The following LTN1 variants were observed in gnomAD, a reference collection of about 807,000 sequenced individuals.
The protein encoded by LTN1 is E3 ubiquitin-protein ligase listerin.
In LTN1, 88 loss-of-function variants were observed where a neutral mutation model predicts 201.2. The ratio of observed to expected loss-of-function variants is 0.44; its 90% CI spans 0.37 to 0.52. The LOEUF is 0.52. Ranked by LOEUF, LTN1 falls within the 20% of genes least tolerant of loss-of-function variation. LTN1 has a pLI of 0.00. For synonymous variants in LTN1, 645 were observed against 713.5 expected, an observed-to-expected ratio of 0.90 and a Z score of 1.53; for missense variants, 1,752 against 2,038.7, an observed-to-expected ratio of 0.86 and a Z score of 2.71.
intron 24 of LTN1, among the ~76,000 whole-genome samples, chr21:28,941,686 A>G (rs145961740): frequency 6.6e-6 from 1 of 152,354 alleles, no homozygotes; most frequent in Non-Finnish European, 1.5e-5. Flanking sequence ...CCAAATGATG[A>G]GTCCAACGTC....
Position 28,985,288 on chromosome 21 carries a change from C to T in LTN1, c.346-366G>A, listed in dbSNP as rs559019122. Among the ~76,000 whole-genome samples, 5 of 151,760 alleles carry T rather than the reference C, an allele frequency of 3.3e-5. No individual in the cohort carries two copies. The East Asian group carries it at 7.8e-4, about 24-fold the overall frequency. ...CAGCCTGGCCAACATGGTGAAACCC[C>T]GTCTCTACTAAAAATACAAAAAATT... is the stretch of plus-strand genomic sequence containing the variant. On this transcript the variant is annotated intron_variant, in intron 3 of 29. Transcript: ENST00000361371.
chr21:28,963,234 ACT>A (rs1394273048), intron 11 of LTN1, among the ~76,000 whole-genome samples: 6 of 152,166 alleles, frequency 3.9e-5, no homozygotes, highest in African/African-American at 1.2e-4. Flanking sequence ...GTCATCTAAG[ACT>A]CTCATAGCTA....
At chr21:28,983,087 A>T (rs543055188) in intron 4 of LTN1, among the ~76,000 whole-genome samples, 1 of 152,194 alleles carries the variant, frequency 6.6e-6, no homozygotes, top group South Asian at 2.1e-4. Flanking sequence ...AGACAGTATG[A>T]TATACTATCT....
In LTN1 at chr21:28,944,514, A is replaced by T. The variant is rs1171994411; in HGVS notation, c.3851T>A (p.Leu1284His). ...AGTTGTGGAATCAAAGAAAGCACTG[A>T]GGTCACAGGCCAAATCACAGCTGAC... ...ACVSCDLACD[L>H]SAFFDSTTLD... The change falls in exon 22 of 30, where the codon CTC becomes CAC. Residue 1284 changes from leucine (L) to histidine (H), a missense_variant. By Grantham distance (99) the Leu-to-His change is moderately conservative. Transcript: ENST00000361371. 2 of 1,613,948 alleles carry T rather than the reference A, an allele frequency of 1.2e-6. No individual in the cohort carries two copies. Among genetic ancestry groups the T allele is most frequent in the Admixed American group, 1.7e-5 (1 of 59,968 alleles).
At chr21:28,954,156 T>G (rs1601182324) in intron 16 of LTN1, among the ~76,000 whole-genome samples, 1 of 152,116 alleles carries the variant, frequency 6.6e-6, no homozygotes, top group African/African-American at 2.4e-5. Flanking sequence ...ACACAAAAAA[T>G]TATTACTCTA....
Position 28,932,628 on chromosome 21 carries a change from T to C in LTN1, c.4912A>G (p.Thr1638Ala), listed in dbSNP as rs1425306814. The C allele has an allele frequency of 6.2e-7, 1 of 1,613,336 alleles. No homozygotes were observed. The highest frequency in any genetic ancestry group is 1.1e-5 in the South Asian group (1 of 90,886). The change falls in exon 28 of 30, where the codon ACT becomes GCT. Residue 1638 changes from threonine (T) to alanine (A), a missense_variant. By Grantham distance (58) the Thr-to-Ala change is moderately conservative. Transcript: ENST00000361371. Reference protein sequence around the residue: ...ARATTREVMATYTIEDIVIEL... With the variant: ...ARATTREVMAAYTIEDIVIEL... ...ATAACTATGTCCTCAATAGTATAAG[T>C]AGCCATTACCTCTCGAGTAGTAGCT...
intron 10 of LTN1, 135 bp downstream of exon 10, chr21:28,966,235 C>T (rs2084521201): frequency 1.3e-6 from 1 of 758,258 alleles, no homozygotes; most frequent in Non-Finnish European, 2.1e-6. Context: ...TAGATACTTC[C>T]CAAATCATGA....
At position 28,944,554 on chromosome 21, in the gene LTN1, G is replaced by C. The variant is rs1440911145; in HGVS notation, c.3811C>G (p.Gln1271Glu). Residue 1271 changes from glutamine to glutamate, a missense_variant, in exon 22 of 30, where the codon CAA becomes GAA. Physicochemically the swap from Gln to Glu is conservative, Grantham distance 29. Transcript: ENST00000361371. ...TCACAGCTGACACAGGCAAACAGTT[G>C]CACAAGTGGAATAGAATACAATGCC... Reference protein sequence around the residue: ...NQALYSIPLVQLFACVSCDLA... With the variant: ...NQALYSIPLVELFACVSCDLA... The C allele has an allele frequency of 6.2e-7, 1 of 1,613,790 alleles. No homozygotes were observed. Among genetic ancestry groups the C allele is most frequent in the African/African-American group, 1.3e-5 (1 of 74,912 alleles).
At chr21:28,985,306 A>T (rs2084689611) in intron 3 of LTN1, among the ~76,000 whole-genome samples, 2 of 151,938 alleles carry the variant, frequency 1.3e-5, no homozygotes, top group African/African-American at 4.8e-5. Context: ...CTAAAAATAC[A>T]AAAAATTAGC....
chr21:28,935,341 A>G lies in LTN1; in HGVS notation c.4655-12T>C. The G allele has an allele frequency of 1.3e-6, 2 of 1,521,824 alleles. No individual in the cohort carries two copies. The highest frequency in any genetic ancestry group is 1.8e-6 in the Non-Finnish European group (2 of 1,100,914). The allele number at this position is 1,521,824 out of a possible 1,614,324, so 94.3% of individuals were successfully genotyped here. A position where few individuals can be genotyped will look rare whatever the true frequency, so the allele number is the denominator to read the frequency against. On this transcript the variant is annotated splice_polypyrimidine_tract_variant and intron_variant, in intron 26 of 29. Coordinates refer to ENST00000361371, the MANE Select transcript of LTN1 (RefSeq NM_015565.3). ...AAGCATTGTTGTTTCTGAGGAAAAA[A>G]CAAATTATTGATTAGTAACATATAT...
chr21:28,975,802 G>A (rs1601206269), intron 6 of LTN1, among the ~76,000 whole-genome samples: 1 of 152,174 alleles, frequency 6.6e-6, no homozygotes, highest in South Asian at 2.1e-4. Flanking sequence ...AAACATCTTG[G>A]TAGCTTCCTA....
chr21:28,949,465 T>G (rs2084366253), intron 18 of LTN1, among the ~76,000 whole-genome samples: 1 of 152,236 alleles, frequency 6.6e-6, no homozygotes, highest in Admixed American at 6.5e-5. Context: ...CTCTTCATTC[T>G]GCAAAACTGA....
At chr21:28,945,774 C>A in intron 21 of LTN1, 33 bp downstream of exon 21, 1 of 1,586,630 alleles carries the variant, frequency 6.3e-7, no homozygotes, top group Non-Finnish European at 8.6e-7. Flanking sequence ...TACAAAAACC[C>A]ACAAGAGGTG....
intron 11 of LTN1, among the ~76,000 whole-genome samples, chr21:28,964,189 T>C (rs867440412): frequency 7.2e-5 from 11 of 152,202 alleles, no homozygotes; most frequent in Non-Finnish European, 7.3e-5. Context: ...TTGGGTAAAA[T>C]GCTATCAAAC....
At chr21:28,977,037 G>A (rs1218718398) in intron 6 of LTN1, among the ~76,000 whole-genome samples, 2 of 152,136 alleles carry the variant, frequency 1.3e-5, no homozygotes, top group Non-Finnish European at 2.9e-5. Context: ...TTACAGGCAT[G>A]AGCCACCACG....
chr21:28,988,467 A>C (rs2084718440), intron 1 of LTN1, among the ~76,000 whole-genome samples: 1 of 96,852 alleles, frequency 1.0e-5, no homozygotes, highest in Non-Finnish European at 2.0e-5. Context: ...GCTCTGTCTC[A>C]AAAAAAAAAA....
intron 4 of LTN1, among the ~76,000 whole-genome samples, chr21:28,984,388 T>A (rs1020844419): frequency 1.3e-5 from 2 of 152,064 alleles, no homozygotes; most frequent in African/African-American, 4.8e-5. Flanking sequence ...TAATTTTAGA[T>A]TTATTTTTAG....
intron 29 of LTN1, 108 bp from the exon 30 acceptor site, chr21:28,930,618 AAGGGAAG>A (rs1368565289): frequency 1.7e-5 from 12 of 689,904 alleles, no homozygotes; most frequent in Admixed American, 3.0e-5. Context: ...ATAAAGTGAA[AAGGGAAG>A]AACAATAAAA....
At chr21:28,956,738 A>G in intron 16 of LTN1, 24 bp downstream of exon 16, 1 of 1,290,722 alleles carries the variant, frequency 7.7e-7, no homozygotes, top group Non-Finnish European at 1.1e-6. Flanking sequence ...ATTATGTTAT[A>G]TGTAAATACT....
Sources: allele counts gnomAD v4.1 joint callset (sites outside exome capture counted in the v4.1 genomes callset), GRCh38; gene constraint gnomAD v4.1.1; transcripts MANE v1.5; gene names NCBI Gene and HGNC (gene_info 2026-07-23, HGNC 2026-07-21).